Variants in GSG1L observed in about 807,000 individuals in gnomAD.
GSG1L encodes germ cell-specific gene 1-like protein.
GSG1L carries 24 observed loss-of-function variants against 42.1 expected under a neutral mutation model. The observed-to-expected ratio is 0.57, with a 90% CI of 0.41 to 0.80. GSG1L has a LOEUF of 0.80. GSG1L is among the 30% of genes least tolerant of loss of function. The pLI is 0.00. For synonymous variants in GSG1L, 215 were observed against 203.5 expected (o/e 1.06, Z -0.48); for missense variants, 445 against 472.2 (o/e 0.94, Z 0.53).
At chr16:27,856,823 G>C (rs922378302) in intron 3 of GSG1L, among the ~76,000 whole-genome samples, 2 of 152,202 alleles carry the variant, frequency 1.3e-5, no homozygotes, top group Non-Finnish European at 2.9e-5. Flanking sequence ...GCAGAATGCA[G>C]ACAGATGAAG....
chr16:27,823,743 C>A, intron 5 of GSG1L: 1 of 653,480 alleles, frequency 1.5e-6, no homozygotes, highest in South Asian at 1.7e-5. Context: ...CCTTTACTCT[C>A]ATTGTGTGCC....
intron 2 of GSG1L, among the ~76,000 whole-genome samples, chr16:27,921,894 AT>A (rs2084528808): frequency 6.6e-6 from 1 of 151,902 alleles, no homozygotes; most frequent in African/African-American, 2.4e-5. Flanking sequence ...GAATGTCACT[AT>A]TTCTAATAAC....
intron 2 of GSG1L, among the ~76,000 whole-genome samples, chr16:27,942,804 C>G (rs1407896789): frequency 6.6e-6 from 1 of 152,124 alleles, no homozygotes; most frequent in East Asian, 1.9e-4. Flanking sequence ...ATTTTCATAG[C>G]CCACTAGTGG....
chr16:27,946,627 G>A (rs1379423667), intron 2 of GSG1L, among the ~76,000 whole-genome samples: 30 of 20,976 alleles, frequency 1.4e-3, no homozygotes, highest in African/African-American at 6.5e-3. Flanking sequence ...GAGAGAGAGA[G>A]AGAGAAAGAA....
At chr16:27,870,858 A>G (rs965858189) in intron 3 of GSG1L, among the ~76,000 whole-genome samples, 2 of 151,236 alleles carry the variant, frequency 1.3e-5, no homozygotes, top group African/African-American at 4.9e-5. Flanking sequence ...TCCCTCTGCC[A>G]CCATCTCCTT....
chr16:27,988,283 A>C (rs1452511470), intron 1 of GSG1L, among the ~76,000 whole-genome samples: 1 of 146,524 alleles, frequency 6.8e-6, no homozygotes, highest in Non-Finnish European at 1.5e-5. Context: ...TAGGAGTTGA[A>C]ATTATGGTAA....
At chr16:28,058,656 A>G (rs2086306461) in intron 1 of GSG1L, among the ~76,000 whole-genome samples, 1 of 149,110 alleles carries the variant, frequency 6.7e-6, no homozygotes, top group Non-Finnish European at 1.5e-5. Context: ...CATGTCGAGG[A>G]GTTAGAGCAA....
intron 5 of GSG1L, among the ~76,000 whole-genome samples, chr16:27,820,720 G>A (rs2083142613): frequency 6.6e-6 from 1 of 152,094 alleles, no homozygotes; most frequent in Admixed American, 6.5e-5. Context: ...AGCGAGCACT[G>A]GCATCAAGGA....
intron 2 of GSG1L, among the ~76,000 whole-genome samples, chr16:27,912,606 A>G (rs1375972685): frequency 6.6e-6 from 1 of 152,250 alleles, no homozygotes; most frequent in Admixed American, 6.5e-5. Context: ...CATCAAGGTT[A>G]AAAATGATTA....
rs570764643 is a variant in GSG1L, at chr16:27,892,747, G to A, written c.398-8109C>T. ...GGAGGTTGCAGTGAGCTGAGATCGC[G>A]CCATTGCACTCCAGCCTGAGTGACA... On this transcript the variant is annotated intron_variant, in intron 2 of 6. Coordinates refer to ENST00000447459, the MANE Select transcript of GSG1L (RefSeq NM_001109763.2). Among the ~76,000 whole-genome samples the A allele has an allele frequency of 9.6e-5, 14 of 145,632 alleles. No homozygotes were observed. In the South Asian group the frequency reaches 3.0e-3, roughly 31 times the overall value.
At chr16:27,926,769 G>T (rs2084598287) in intron 2 of GSG1L, among the ~76,000 whole-genome samples, 2 of 152,166 alleles carry the variant, frequency 1.3e-5, no homozygotes, top group South Asian at 4.1e-4. Flanking sequence ...TGACATATGG[G>T]GTGAGCGCTT....
chr16:27,979,734 A>AAGG, intron 1 of GSG1L, among the ~76,000 whole-genome samples: 2 of 66,752 alleles, frequency 3.0e-5, no homozygotes. Flanking sequence ...AAGGAAAGAA[A>AAGG]AAGAAAGAAA....
intron 2 of GSG1L, among the ~76,000 whole-genome samples, chr16:27,912,089 C>G (rs2084398397): frequency 6.6e-6 from 1 of 152,172 alleles, no homozygotes; most frequent in Admixed American, 6.5e-5. Context: ...TTGTGGTGGT[C>G]AGGCTGGGGC....
intron 2 of GSG1L, among the ~76,000 whole-genome samples, chr16:27,959,803 T>G (rs2085049373): frequency 6.6e-6 from 1 of 151,924 alleles, no homozygotes; most frequent in African/African-American, 2.4e-5. Flanking sequence ...TACAGATCAT[T>G]CAGGTACCAA....
chr16:27,827,602 TC>T (rs1472293194), intron 5 of GSG1L, among the ~76,000 whole-genome samples: 1 of 152,016 alleles, frequency 6.6e-6, no homozygotes, highest in Non-Finnish European at 1.5e-5. Context: ...AATGAACTCA[TC>T]CCCTGGAGGA....
intron 6 of GSG1L, among the ~76,000 whole-genome samples, chr16:27,801,570 C>T (rs2082882677): frequency 6.6e-6 from 1 of 152,220 alleles, no homozygotes; most frequent in African/African-American, 2.4e-5. Flanking sequence ...TGAAAACCCA[C>T]TAGCAGCTAA....
intron 1 of GSG1L, among the ~76,000 whole-genome samples, chr16:28,039,089 G>C (rs2086074979): frequency 6.6e-6 from 1 of 152,216 alleles, no homozygotes; most frequent in Admixed American, 6.5e-5. Flanking sequence ...GAGAGAATAA[G>C]TGGGTTTCAT....
intron 1 of GSG1L, among the ~76,000 whole-genome samples, chr16:28,007,840 T>C (rs1257752849): frequency 6.6e-6 from 1 of 152,118 alleles, no homozygotes; most frequent in Non-Finnish European, 1.5e-5. Flanking sequence ...TTTAAGCCAC[T>C]GAGTTTGTGG....
At chr16:27,894,881 G>A (rs965829559) in intron 2 of GSG1L, among the ~76,000 whole-genome samples, 10 of 152,292 alleles carry the variant, frequency 6.6e-5, no homozygotes, top group African/African-American at 2.4e-4. Flanking sequence ...CCTGTTGTGT[G>A]TCTGGGGGCA....
Sources: gnomAD v4.1 joint callset for allele counts (sites outside exome capture counted in the v4.1 genomes callset) on GRCh38, gnomAD v4.1.1 for gene constraint, MANE v1.5 for transcripts, NCBI Gene and HGNC (gene_info 2026-07-23, HGNC 2026-07-21) for gene names.